TFCP2L1: variants seen among roughly 807,000 people sequenced by gnomAD.
The protein encoded by TFCP2L1 is transcription factor CP2-like protein 1.
TFCP2L1 carries 12 observed loss-of-function variants against 72.2 expected under a neutral mutation model. That is an observed-to-expected ratio of 0.17 (90% confidence interval 0.11 to 0.27). The LOEUF (loss-of-function observed/expected upper bound fraction) is 0.27. Ranked by LOEUF, TFCP2L1 falls within the 10% of genes least tolerant of loss-of-function variation. The pLI, the probability that TFCP2L1 is intolerant of heterozygous loss-of-function variation, is 1.00. For missense variants in TFCP2L1, 488 were observed against 624.6 expected (o/e 0.78, Z 2.33); for synonymous variants, 260 against 251.0 (o/e 1.04, Z -0.34).
intron 2 of TFCP2L1, among the ~76,000 whole-genome samples, chr2:121,250,363 T>C (rs548565109): frequency 9.2e-4 from 136 of 148,164 alleles, no homozygotes; most frequent in African/African-American, 3.0e-3. Flanking sequence ...TATATATATA[T>C]ACACACACAC....
intron 2 of TFCP2L1, among the ~76,000 whole-genome samples, chr2:121,266,043 T>A (rs1443418139): frequency 6.6e-6 from 1 of 151,982 alleles, no homozygotes; most frequent in Non-Finnish European, 1.5e-5. Flanking sequence ...TTTTTATATT[T>A]TTGGTAGAGA....
intron 2 of TFCP2L1, among the ~76,000 whole-genome samples, chr2:121,256,300 G>C (rs1453597576): frequency 6.6e-6 from 1 of 152,214 alleles, no homozygotes; most frequent in Non-Finnish European, 1.5e-5. Flanking sequence ...CTAAAGCCAT[G>C]TGGTTTTGGC....
intron 6 of TFCP2L1, 40 bp from the exon 7 acceptor site, chr2:121,242,509 C>T (rs758388221): frequency 1.3e-6 from 2 of 1,596,064 alleles, no homozygotes; most frequent in Non-Finnish European, 1.7e-6. Context: ...CCAAAACCAA[C>T]ACAGGCAGCA....
At chr2:121,246,693 T>C (rs999824105) in intron 6 of TFCP2L1, 125 bp downstream of exon 6, 6 of 1,244,518 alleles carry the variant, frequency 4.8e-6, no homozygotes, top group African/African-American at 4.5e-5. Flanking sequence ...GTAGAAGCCA[T>C]GTGCTAAAGG....
At chr2:121,226,858 A>C (rs1283089200) in intron 13 of TFCP2L1, among the ~76,000 whole-genome samples, 2 of 152,220 alleles carry the variant, frequency 1.3e-5, no homozygotes, top group African/African-American at 4.8e-5. Flanking sequence ...TGCATTTCCA[A>C]CAAGGAAATT....
chr2:121,283,084 T>G (rs939422144), intron 1 of TFCP2L1, among the ~76,000 whole-genome samples: 1 of 152,158 alleles, frequency 6.6e-6, no homozygotes, highest in Non-Finnish European at 1.5e-5. Context: ...CCATGTCAAG[T>G]TAATAATCCA....
intron 10 of TFCP2L1, among the ~76,000 whole-genome samples, chr2:121,236,228 G>C (rs1686246600): frequency 6.6e-6 from 1 of 152,142 alleles, no homozygotes; most frequent in Non-Finnish European, 1.5e-5. Flanking sequence ...ACATGTCTTT[G>C]TTCATTACAC....
Position 121,217,680 on chromosome 2 carries a change from G to GC in TFCP2L1, c.*6660dup, listed in dbSNP as rs1458822647. On this transcript the variant is annotated 3_prime_UTR_variant, in exon 15 of 15. Coordinates refer to ENST00000263707, the MANE Select transcript of TFCP2L1 (RefSeq NM_014553.3). Reference sequence around the variant, plus strand: ...TACTAGGTGGAGGTGAGATCAGGCTGCCCCTCCCAGGACAAGAGTGTGAGC... The same window carrying GC: ...TACTAGGTGGAGGTGAGATCAGGCTGCCCCCTCCCAGGACAAGAGTGTGAGC... 1 of 152,530 alleles carries GC rather than the reference G, an allele frequency of 6.6e-6. No homozygotes were observed. Among genetic ancestry groups the GC allele is most frequent in the Non-Finnish European group, 1.5e-5 (1 of 68,274 alleles). The allele number at this position is 152,530 out of a possible 1,614,324, so 9.4% of individuals were successfully genotyped here.
chr2:121,224,733 A>G (rs2104652687), intron 14 of TFCP2L1, among the ~76,000 whole-genome samples: 1 of 152,306 alleles, frequency 6.6e-6, no homozygotes, highest in Non-Finnish European at 1.5e-5. Flanking sequence ...CTGTAATCCC[A>G]GCACTTTGGG....
intron 2 of TFCP2L1, among the ~76,000 whole-genome samples, chr2:121,263,962 G>GA (rs1385576196): frequency 6.6e-6 from 1 of 151,982 alleles, no homozygotes; most frequent in South Asian, 2.1e-4. Flanking sequence ...GAAGAAAAAA[G>GA]AAAAAAAGCC....
intron 7 of TFCP2L1, among the ~76,000 whole-genome samples, chr2:121,241,077 AG>A (rs1450563966): frequency 6.6e-6 from 1 of 152,176 alleles, no homozygotes; most frequent in East Asian, 1.9e-4. Flanking sequence ...GGGCCTTCTG[AG>A]GAAGTCCAAT....
At chr2:121,240,392 C>CGATG in intron 7 of TFCP2L1, 1 of 985,364 alleles carries the variant, frequency 1.0e-6, no homozygotes, top group Non-Finnish European at 1.2e-6. Flanking sequence ...CCCTTCCCTG[C>CGATG]GATGATGCCT....
intron 12 of TFCP2L1, among the ~76,000 whole-genome samples, chr2:121,233,416 T>C (rs907611266): frequency 5.3e-5 from 8 of 152,152 alleles, no homozygotes; most frequent in African/African-American, 7.2e-5. Context: ...CTGCCCGCCT[T>C]GGCCTCCCAA....
rs1246651539 is a variant in TFCP2L1 at position 121,278,182 on chromosome 2, G to T, written c.214+2938C>A. On this transcript the variant is annotated intron_variant, in intron 2 of 14. Coordinates refer to ENST00000263707, the MANE Select transcript of TFCP2L1 (RefSeq NM_014553.3). ...CTCCCGAGTAGCTGGGACTACAGGC[G>T]CCCGCCACCGCGCCCGGCTAATTTT... Among the ~76,000 whole-genome samples, 6 of 148,152 alleles carry T rather than the reference G, an allele frequency of 4.0e-5. No individual in the cohort carries two copies. In the East Asian group the frequency reaches 9.9e-4, roughly 25 times the overall value.
chr2:121,246,847 A>T lies in TFCP2L1; in HGVS notation c.628T>A (p.Ser210Thr), dbSNP rs753070149. 1.2e-6 allele frequency: 2 copies of T among 1,614,160 alleles called. No individual in the cohort carries two copies. Among genetic ancestry groups the T allele is most frequent in the Non-Finnish European group, 1.7e-6 (2 of 1,180,024 alleles). ...AACACCTTGATCTGGCAGCTGGCTG[A>T]GTGCAGGTGCTCCGTGTACTCCCCA... is the stretch of plus-strand genomic sequence containing the variant. ...ENGEYTEHLHSASCQIKVFKP... is the reference protein window; with the variant it reads ...ENGEYTEHLHTASCQIKVFKP... Residue 210 changes from serine (S) to threonine (T), a missense_variant, in exon 6 of 15, where the codon TCA (serine) becomes ACA (threonine). Physicochemically the swap from Ser to Thr is moderately conservative, Grantham distance 58 (BLOSUM62 1). Transcript: ENST00000263707.
chr2:121,282,885 G>A (rs1350077740), intron 1 of TFCP2L1, among the ~76,000 whole-genome samples: 1 of 152,058 alleles, frequency 6.6e-6, no homozygotes, highest in Non-Finnish European at 1.5e-5. Flanking sequence ...GCCTGGCATT[G>A]AGCACACACC....
chr2:121,233,458 C>T (rs1686184556), intron 12 of TFCP2L1, among the ~76,000 whole-genome samples: 1 of 152,190 alleles, frequency 6.6e-6, no homozygotes, highest in South Asian at 2.1e-4. Context: ...AGCCACGGCG[C>T]CCAGCCTACT....
chr2:121,281,023 A>T lies in TFCP2L1; in HGVS notation c.214+97T>A, dbSNP rs1687246345. ...CCCGAGCCCGACCTCGCCCGACCTCACCCACCGTAACAAAGTCACAAGGCC... is the reference window on the plus strand; with the variant it reads ...CCCGAGCCCGACCTCGCCCGACCTCTCCCACCGTAACAAAGTCACAAGGCC... On this transcript the variant is annotated intron_variant, in intron 2 of 14. Transcript: ENST00000263707. The T allele has an allele frequency of 2.0e-6, 3 of 1,537,940 alleles. No homozygotes were observed. The East Asian group carries it at 6.8e-5, about 35-fold the overall frequency.
At chr2:121,256,638 A>G (rs1446959844) in intron 2 of TFCP2L1, among the ~76,000 whole-genome samples, 1 of 152,014 alleles carries the variant, frequency 6.6e-6, no homozygotes, top group Non-Finnish European at 1.5e-5. Context: ...TTAGCCGGGC[A>G]TGGTGGTGGG....
Sources: allele counts gnomAD v4.1 joint callset (sites outside exome capture counted in the v4.1 genomes callset), GRCh38; gene constraint gnomAD v4.1.1; transcripts MANE v1.5; gene names NCBI Gene and HGNC (gene_info 2026-07-23, HGNC 2026-07-21).